The following GNAI1 variants were observed in gnomAD, a reference collection of about 807,000 sequenced individuals.
GNAI1 encodes guanine nucleotide-binding protein G(i) subunit alpha-1.
A neutral mutation model predicts 38.9 loss-of-function variants in GNAI1; 11 were observed. The ratio of observed to expected loss-of-function variants is 0.28; its 90% CI spans 0.18 to 0.47. The LOEUF (loss-of-function observed/expected upper bound fraction) is 0.47, where lower values mean the gene tolerates loss of function less well. Among genes scored for constraint, GNAI1 ranks in the 20% least tolerant of loss-of-function variants. The pLI is 0.99. For synonymous variants in GNAI1, 166 were observed against 145.1 expected (o/e 1.14, Z -1.04); for missense variants, 317 against 436.9 (o/e 0.73, Z 2.45).
chr7:80,141,414 G>A (rs1336200324), intron 1 of GNAI1, among the ~76,000 whole-genome samples: 2 of 152,148 alleles, frequency 1.3e-5, no homozygotes, highest in African/African-American at 2.4e-5. Flanking sequence ...TAGCAAACAA[G>A]TTATCTGCTC....
chr7:80,139,909 ATTTTTTTTTTT>A (rs71076501), intron 1 of GNAI1, among the ~76,000 whole-genome samples: 40 of 121,666 alleles, frequency 3.3e-4, no homozygotes, highest in African/African-American at 8.3e-4. Context: ...TTGCCCTGCA[ATTTTTTTTTTT>A]TTTTTTTTTT....
intron 1 of GNAI1, among the ~76,000 whole-genome samples, chr7:80,155,302 T>C (rs1011158640): frequency 3.9e-5 from 6 of 152,210 alleles, no homozygotes; most frequent in Non-Finnish European, 8.8e-5. Context: ...ATTGAATTGT[T>C]TTTTTCTTAC....
chr7:80,200,324 C>CAAAAA (rs59511755), intron 4 of GNAI1, among the ~76,000 whole-genome samples: 1,221 of 39,536 alleles, frequency 0.031, 104 homozygotes, highest in East Asian at 0.054. Context: ...GGCCATGTCT[C>CAAAAA]AAAAAAAAAA....
At chr7:80,149,921 T>C (rs10486928) in intron 1 of GNAI1, among the ~76,000 whole-genome samples, 6,476 of 152,232 alleles carry the variant, frequency 0.043, 219 homozygotes, top group African/African-American at 0.1. Context: ...ATAGACAAGA[T>C]TGATTAATTC....
chr7:80,172,912 G>A (rs1313338956), intron 1 of GNAI1, among the ~76,000 whole-genome samples: 2 of 152,178 alleles, frequency 1.3e-5, no homozygotes, highest in East Asian at 3.8e-4. Flanking sequence ...GGAAAGAGTA[G>A]GTTTATGGAG....
chr7:80,136,760 C>A (rs1402164627), intron 1 of GNAI1, among the ~76,000 whole-genome samples: 1 of 152,094 alleles, frequency 6.6e-6, no homozygotes, highest in Non-Finnish European at 1.5e-5. Flanking sequence ...TACGTTGTTT[C>A]AGTGTATTTC....
chr7:80,196,865 T>G (rs763229132), intron 3 of GNAI1, among the ~76,000 whole-genome samples: 6 of 151,968 alleles, frequency 3.9e-5, no homozygotes, highest in Non-Finnish European at 8.8e-5. Context: ...ATAGTAAAAT[T>G]GTTACTATAG....
At chr7:80,200,548 G>A (rs191494887) in intron 4 of GNAI1, among the ~76,000 whole-genome samples, 1 of 152,166 alleles carries the variant, frequency 6.6e-6, no homozygotes, top group Admixed American at 6.5e-5. Context: ...ACAAGGATTA[G>A]ATAGATGACA....
At chr7:80,201,732 AAAAATT>A (rs886082749) in intron 4 of GNAI1, among the ~76,000 whole-genome samples, 5 of 152,164 alleles carry the variant, frequency 3.3e-5, no homozygotes. Context: ...TCAAAGAAAA[AAAAATT>A]AAAATTATAA....
rs868361686 is a variant in GNAI1, at chr7:80,225,471, T to C, written c.*7978T>C. Among the ~76,000 whole-genome samples, 1 of 152,164 alleles carries C rather than the reference T, an allele frequency of 6.6e-6. No homozygotes were observed. The highest frequency in any genetic ancestry group is 2.1e-4 in the South Asian group (1 of 4,830). On this transcript the variant is annotated 3_prime_UTR_variant, in exon 8 of 8. Transcript: ENST00000649796. ...TGTTGTTATTGTGTTGTGTTTTGTT[T>C]TTTTAATATGTTTCAATTCCCCTAG...
Position 80,223,167 on chromosome 7 carries a change from G to C in GNAI1, c.*5674G>C, listed in dbSNP as rs980800155. ...GACCATCATACGTTGGGGACCATCT[G>C]TACATAGAGTAGGACTCTTGAGAGC... On this transcript the variant is annotated 3_prime_UTR_variant, in exon 8 of 8. Transcript: ENST00000649796. Among the ~76,000 whole-genome samples, 2 of 152,194 alleles carry C rather than the reference G, an allele frequency of 1.3e-5. No homozygotes were observed. Among genetic ancestry groups the C allele is most frequent in the Non-Finnish European group, 2.9e-5 (2 of 68,022 alleles).
chr7:80,175,671 A>G (rs553447649), intron 1 of GNAI1, among the ~76,000 whole-genome samples: 1 of 150,972 alleles, frequency 6.6e-6, no homozygotes, highest in South Asian at 2.1e-4. Context: ...ACATTTTGGT[A>G]GTTCTTACAA....
intron 1 of GNAI1, among the ~76,000 whole-genome samples, chr7:80,144,502 T>C (rs1262807378): frequency 6.6e-6 from 1 of 152,192 alleles, no homozygotes; most frequent in African/African-American, 2.4e-5. Flanking sequence ...ATTTGTGCCT[T>C]TTAATAAATT....
At chr7:80,212,117 A>T (rs1788885787) in intron 6 of GNAI1, among the ~76,000 whole-genome samples, 1 of 152,130 alleles carries the variant, frequency 6.6e-6, no homozygotes, top group Non-Finnish European at 1.5e-5. Context: ...TTGTATTTTT[A>T]AAATCAAGTA....
At position 80,219,701 on chromosome 7, in the gene GNAI1, C is replaced by T. The variant is rs961261990; in HGVS notation, c.*2208C>T. ...ATTTTTCCTTACTAAGTACCATCAT[C>T]ATTTATTCCTTCAATGGGGAACTTT... On this transcript the variant is annotated 3_prime_UTR_variant, in exon 8 of 8. Coordinates refer to ENST00000649796, the MANE Select transcript of GNAI1 (RefSeq NM_002069.6). Among the ~76,000 whole-genome samples, 3 of 152,144 alleles carry T rather than the reference C, an allele frequency of 2.0e-5. No homozygotes were observed. The highest frequency in any genetic ancestry group is 1.3e-4 in the Admixed American group (2 of 15,262).
intron 1 of GNAI1, among the ~76,000 whole-genome samples, chr7:80,181,848 C>A (rs1027764886): frequency 6.6e-6 from 1 of 152,128 alleles, no homozygotes; most frequent in East Asian, 1.9e-4. Context: ...GGCTAATTAA[C>A]GTATCCATCA....
chr7:80,159,623 G>A (rs1434064799), intron 1 of GNAI1, among the ~76,000 whole-genome samples: 2 of 152,178 alleles, frequency 1.3e-5, no homozygotes, highest in South Asian at 4.1e-4. Flanking sequence ...TTTGTGCTGA[G>A]AACATTCAGC....
intron 1 of GNAI1, among the ~76,000 whole-genome samples, chr7:80,154,263 T>G (rs1419942670): frequency 6.6e-6 from 1 of 152,326 alleles, no homozygotes; most frequent in East Asian, 1.9e-4. Flanking sequence ...AGGTGCACTT[T>G]TAAATTGTTA....
intron 1 of GNAI1, among the ~76,000 whole-genome samples, chr7:80,171,579 CTG>C (rs1788099011): frequency 6.6e-6 from 1 of 152,182 alleles, no homozygotes; most frequent in Admixed American, 6.5e-5. Flanking sequence ...TCTAGCGAAA[CTG>C]TATGCTTCCC....
Sources: allele counts gnomAD v4.1 joint callset (sites outside exome capture counted in the v4.1 genomes callset), GRCh38; gene constraint gnomAD v4.1.1; transcripts MANE v1.5; gene names NCBI Gene and HGNC (gene_info 2026-07-23, HGNC 2026-07-21).